NBAS: variants seen among roughly 807,000 people sequenced by gnomAD.
NBAS encodes NBAS subunit of NRZ tethering complex.
Under a neutral mutation model 302.5 loss-of-function variants are expected in NBAS, and 219 were observed. The observed-to-expected ratio is 0.72, with a 90% CI of 0.65 to 0.81. NBAS has a LOEUF of 0.81. Among genes scored for constraint, NBAS ranks in the 30% least tolerant of loss-of-function variants. The pLI is 0.00. For missense variants in NBAS, 2,932 were observed against 2,841.6 expected (o/e 1.03, Z -0.72); for synonymous variants, 1,118 against 1,021.6 (o/e 1.09, Z -1.80).
At chr2:15,246,452 A>T (rs1353935931) in intron 44 of NBAS, among the ~76,000 whole-genome samples, 3 of 152,374 alleles carry the variant, frequency 2.0e-5, no homozygotes, top group Non-Finnish European at 2.9e-5. Context: ...CTATTAAATT[A>T]CTGAACAACT....
At chr2:15,393,621 G>GTATGTCTACACAAATGAAAGCGT (rs750180427) in intron 28 of NBAS, 2 of 468,050 alleles carry the variant, frequency 4.3e-6, no homozygotes, top group Middle Eastern at 3.3e-4. Context: ...AAATGAAAGC[G>GTATGTCTACACAAATGAAAGCGT]TATGTCTACA....
chr2:15,308,493 T>C, intron 39 of NBAS, 140 bp from the exon 40 acceptor site: 1 of 1,047,592 alleles, frequency 9.5e-7, no homozygotes, highest in South Asian at 1.5e-5. Context: ...ATCAACTTAA[T>C]AATGACTATA....
chr2:14,976,380 T>C, the NBAS span, among the ~76,000 whole-genome samples: 1 of 152,322 alleles, frequency 6.6e-6, no homozygotes, highest in East Asian at 1.9e-4. Flanking sequence ...TCTGTACGTC[T>C]TCGTCTATTA....
At chr2:15,456,369 T>C (rs922282716) in intron 21 of NBAS, among the ~76,000 whole-genome samples, 1 of 152,256 alleles carries the variant, frequency 6.6e-6, no homozygotes, top group South Asian at 2.1e-4. Flanking sequence ...CATAACTTAC[T>C]ATTGCTTTGC....
intron 40 of NBAS, among the ~76,000 whole-genome samples, chr2:15,305,971 AG>A (rs1279705946): frequency 3.3e-5 from 5 of 152,220 alleles, no homozygotes; most frequent in Non-Finnish European, 7.3e-5. Context: ...ACTGACCTTT[AG>A]GGGGAAAAAA....
At chr2:15,503,992 T>C (rs1197390258) in intron 11 of NBAS, among the ~76,000 whole-genome samples, 153 bp downstream of exon 11, 2 of 152,194 alleles carry the variant, frequency 1.3e-5, no homozygotes, top group East Asian at 3.9e-4. Flanking sequence ...ACCAGCTCTA[T>C]GAATTCTTAC....
the NBAS span, among the ~76,000 whole-genome samples, chr2:15,126,560 C>T: frequency 7.7e-3 from 1,176 of 152,212 alleles, 14 homozygotes; most frequent in African/African-American, 0.027. Flanking sequence ...GTACCTCACC[C>T]GAGGGGCAAG....
intron 38 of NBAS, among the ~76,000 whole-genome samples, chr2:15,310,389 A>C (rs1324974160): frequency 6.6e-6 from 1 of 152,220 alleles, no homozygotes; most frequent in African/African-American, 2.4e-5. Context: ...ATGGACCACC[A>C]GTCAGCCTCA....
chr2:15,348,048 T>C (rs1673175671), intron 35 of NBAS, among the ~76,000 whole-genome samples: 5 of 152,224 alleles, frequency 3.3e-5, no homozygotes, highest in Non-Finnish European at 7.3e-5. Context: ...TCATCTCTCA[T>C]TTATGAGCTA....
chr2:15,390,100 A>T (rs1470035250), intron 28 of NBAS, among the ~76,000 whole-genome samples: 1 of 152,198 alleles, frequency 6.6e-6, no homozygotes, highest in African/African-American at 2.4e-5. Flanking sequence ...CGCCTACAAT[A>T]AAACTGCCTG....
chr2:15,213,147 T>A (rs1431351914), intron 48 of NBAS, among the ~76,000 whole-genome samples: 1 of 152,206 alleles, frequency 6.6e-6, no homozygotes, highest in Non-Finnish European at 1.5e-5. Context: ...ATTTACTAAC[T>A]TTTCCAAGCT....
intron 12 of NBAS, 61 bp downstream of exon 12, chr2:15,488,833 A>G (rs1182545849): frequency 6.3e-7 from 1 of 1,596,962 alleles, no homozygotes; most frequent in Non-Finnish European, 8.6e-7. Flanking sequence ...CAATAAAATA[A>G]AATTAGTATT....
the NBAS span, among the ~76,000 whole-genome samples, chr2:14,823,752 A>G: frequency 6.6e-6 from 1 of 152,232 alleles, no homozygotes; most frequent in African/African-American, 2.4e-5. Flanking sequence ...TAATAAATGC[A>G]TGTTTCTTCT....
intron 11 of NBAS, among the ~76,000 whole-genome samples, chr2:15,500,921 CA>C (rs1277993346): frequency 1.2e-4 from 15 of 128,252 alleles, no homozygotes; most frequent in Admixed American, 3.9e-4. Flanking sequence ...GAGACTGTCT[CA>C]AAAAAAAAAG....
chr2:15,207,230 A>T (rs1021983143), intron 48 of NBAS, among the ~76,000 whole-genome samples: 5 of 152,198 alleles, frequency 3.3e-5, no homozygotes, highest in South Asian at 4.1e-4. Context: ...AAATTTAATG[A>T]CTGCCCTGTT....
the NBAS span, among the ~76,000 whole-genome samples, chr2:14,928,397 A>G: frequency 6.6e-6 from 1 of 152,240 alleles, no homozygotes; most frequent in Admixed American, 6.5e-5. Flanking sequence ...TATAGGAGTT[A>G]AATATATCTT....
the NBAS span, among the ~76,000 whole-genome samples, chr2:15,129,390 G>A: frequency 3.6e-4 from 55 of 152,214 alleles, no homozygotes; most frequent in African/African-American, 1.3e-3. Context: ...TTCAGGCTGC[G>A]CTACAGTGGA....
At chr2:15,212,862 G>A (rs1003651422) in intron 48 of NBAS, among the ~76,000 whole-genome samples, 8 of 93,960 alleles carry the variant, frequency 8.5e-5, no homozygotes, top group African/African-American at 1.6e-4. Flanking sequence ...CTGCAGAATT[G>A]TGAGTCAAAC....
chr2:14,858,889 T>C, the NBAS span, among the ~76,000 whole-genome samples: 2 of 152,102 alleles, frequency 1.3e-5, no homozygotes, highest in Non-Finnish European at 2.9e-5. Context: ...TACCCCGATG[T>C]GATTATTATG....
Sources: gnomAD v4.1 joint callset for allele counts (sites outside exome capture counted in the v4.1 genomes callset) on GRCh38, gnomAD v4.1.1 for gene constraint, MANE v1.5 for transcripts, NCBI Gene and HGNC (gene_info 2026-07-23, HGNC 2026-07-21) for gene names.